Variants in SRPK2 observed in about 807,000 individuals in gnomAD.
SRPK2 encodes SRSF protein kinase 2.
SRPK2 carries 21 observed loss-of-function variants against 90.8 expected under a neutral mutation model. The observed-to-expected ratio is 0.23, with a 90% CI of 0.16 to 0.33. The LOEUF (loss-of-function observed/expected upper bound fraction) is 0.33. Among genes scored for constraint, SRPK2 ranks in the 10% least tolerant of loss-of-function variants. The pLI is 1.00. For missense variants in SRPK2, 620 were observed against 869.0 expected (o/e 0.71, Z 3.60); for synonymous variants, 288 against 311.1 (o/e 0.93, Z 0.78).
chr7:105,195,317 GGGATTACA>G (rs1794782637), intron 3 of SRPK2, among the ~76,000 whole-genome samples: 1 of 152,232 alleles, frequency 6.6e-6, no homozygotes, highest in Non-Finnish European at 1.5e-5. Flanking sequence ...CCAAAGTGCT[GGGATTACA>G]GGCGTGGGCC....
chr7:105,364,519 G>A (rs985321369), intron 2 of SRPK2, among the ~76,000 whole-genome samples: 10 of 151,132 alleles, frequency 6.6e-5, no homozygotes, highest in Non-Finnish European at 1.0e-4. Flanking sequence ...TCCTGCCTCA[G>A]CCTCCCAAGT....
At chr7:105,197,993 T>C (rs1008960923) in intron 3 of SRPK2, among the ~76,000 whole-genome samples, 2 of 152,238 alleles carry the variant, frequency 1.3e-5, no homozygotes, top group Non-Finnish European at 2.9e-5. Context: ...GTAGCAGGTA[T>C]ACACCGAGGG....
chr7:105,123,724 TG>T (rs1167141017), intron 15 of SRPK2, among the ~76,000 whole-genome samples: 4 of 152,166 alleles, frequency 2.6e-5, no homozygotes, highest in Non-Finnish European at 5.9e-5. Context: ...TGTTATCCTG[TG>T]ACTTCTGTAA....
At chr7:105,221,381 A>C (rs890724215) in intron 2 of SRPK2, among the ~76,000 whole-genome samples, 1 of 152,132 alleles carries the variant, frequency 6.6e-6, no homozygotes, top group African/African-American at 2.4e-5. Flanking sequence ...AGTGATACCC[A>C]CTTTTCTCAC....
intron 2 of SRPK2, among the ~76,000 whole-genome samples, chr7:105,348,068 CTTTTTTTT>C (rs770159031): frequency 2.5e-5 from 2 of 80,998 alleles, no homozygotes; most frequent in African/African-American, 5.0e-5. Flanking sequence ...GCTTGGCAAA[CTTTTTTTT>C]TTTTTTTTTT....
chr7:105,346,709 G>C (rs914272507), intron 2 of SRPK2, among the ~76,000 whole-genome samples: 1 of 151,932 alleles, frequency 6.6e-6, no homozygotes, highest in Non-Finnish European at 1.5e-5. Context: ...AGTGAGCCAA[G>C]ATCGCACCAC....
At chr7:105,134,430 C>A (rs976152761) in intron 11 of SRPK2, among the ~76,000 whole-genome samples, 12 of 152,364 alleles carry the variant, frequency 7.9e-5, no homozygotes, top group African/African-American at 2.9e-4. Flanking sequence ...CCCAGCCATG[C>A]TTCCTGTACA....
In SRPK2 at chr7:105,143,200, T is replaced by C. The variant is rs1446953743; in HGVS notation, c.944A>G (p.Glu315Gly). Residue 315 changes from glutamate (E) to glycine (G), a missense_variant, in exon 10 of 16, where the codon GAA becomes GGA. Around this residue, in one of 8 missense-constraint regions of SRPK2, gnomAD observed 243 missense variants for 245.7 expected, o/e 0.99. Transcript: ENST00000393651. Reference sequence around the variant, plus strand: ...GGAAGGTGCAGCTGAGGTGATGTTTTCTTCTATTATTTTCCTTTCAGCTTC... The same window carrying C: ...GGAAGGTGCAGCTGAGGTGATGTTTCCTTCTATTATTTTCCTTTCAGCTTC... Reference protein sequence around the residue: ...EREAERKIIEENITSAAPSND... With the variant: ...EREAERKIIEGNITSAAPSND... 1 of 1,614,218 alleles carries C rather than the reference T, an allele frequency of 6.2e-7. No homozygotes were observed. Among genetic ancestry groups the C allele is most frequent in the South Asian group, 1.1e-5 (1 of 91,086 alleles).
At chr7:105,233,125 AAGG>A (rs1799702969) in intron 2 of SRPK2, among the ~76,000 whole-genome samples, 2 of 146,850 alleles carry the variant, frequency 1.4e-5, no homozygotes, top group African/African-American at 5.1e-5. Flanking sequence ...GGAAGGAAGG[AAGG>A]AAGGAAGGAA....
chr7:105,306,395 G>A (rs570155214), intron 2 of SRPK2: 9 of 405,008 alleles, frequency 2.2e-5, no homozygotes, highest in Non-Finnish European at 3.8e-5. Flanking sequence ...TGCAAAGTAC[G>A]TATCACTAGA....
chr7:105,342,248 C>T (rs1178572468), intron 2 of SRPK2, among the ~76,000 whole-genome samples: 3 of 148,922 alleles, frequency 2.0e-5, no homozygotes, highest in East Asian at 4.1e-4. Flanking sequence ...CTCTTGAACC[C>T]GGGAAGCAGA....
chr7:105,317,646 C>A (rs1812456273), intron 2 of SRPK2, among the ~76,000 whole-genome samples: 1 of 152,168 alleles, frequency 6.6e-6, no homozygotes, highest in South Asian at 2.1e-4. Context: ...TAACATATCA[C>A]AACAGACTGA....
At chr7:105,301,893 G>C in intron 2 of SRPK2, 3 of 1,601,312 alleles carry the variant, frequency 1.9e-6, no homozygotes, top group Non-Finnish European at 2.6e-6. Flanking sequence ...ACATCGATAA[G>C]CAATATCATC....
At chr7:105,280,374 G>C (rs1807102405) in intron 2 of SRPK2, among the ~76,000 whole-genome samples, 1 of 150,334 alleles carries the variant, frequency 6.7e-6, no homozygotes, top group Admixed American at 6.7e-5. Context: ...CGAAGACTGA[G>C]ATCACACCAC....
At chr7:105,191,534 C>T (rs887357331) in intron 3 of SRPK2, among the ~76,000 whole-genome samples, 6 of 152,098 alleles carry the variant, frequency 3.9e-5, no homozygotes, top group South Asian at 2.1e-4. Flanking sequence ...TTCCAGCCTA[C>T]GCAATAGAAT....
intron 2 of SRPK2, among the ~76,000 whole-genome samples, chr7:105,239,844 G>A (rs796816428): frequency 5.9e-5 from 9 of 152,310 alleles, no homozygotes; most frequent in African/African-American, 2.2e-4. Context: ...TCGCAGCAGT[G>A]TCAGATTTGG....
intron 2 of SRPK2, among the ~76,000 whole-genome samples, chr7:105,314,229 G>A (rs981069470): frequency 6.6e-6 from 1 of 151,826 alleles, no homozygotes; most frequent in Admixed American, 6.6e-5. Context: ...CTACTTGGGA[G>A]GTTGAGATAT....
intron 2 of SRPK2, chr7:105,301,497 G>T: frequency 8.1e-7 from 1 of 1,231,600 alleles, no homozygotes; most frequent in Non-Finnish European, 1.2e-6. Flanking sequence ...GTCCACTCAG[G>T]AGGCGCCCCG....
At chr7:105,397,798 C>A (rs1822373057) in intron 1 of SRPK2, among the ~76,000 whole-genome samples, 1 of 152,060 alleles carries the variant, frequency 6.6e-6, no homozygotes, top group Non-Finnish European at 1.5e-5. Context: ...CACCTAGCAC[C>A]ATGCCCTGCT....
Sources: allele counts gnomAD v4.1 joint callset (sites outside exome capture counted in the v4.1 genomes callset), GRCh38; gene constraint gnomAD v4.1.1; regional missense constraint gnomAD v4.1.1; transcripts MANE v1.5; gene names NCBI Gene and HGNC (gene_info 2026-07-23, HGNC 2026-07-21).